Variants in ARGFX observed in about 807,000 individuals in gnomAD.
ARGFX encodes the protein arginine-fifty homeobox.
Under a neutral mutation model 8.0 loss-of-function variants are expected in ARGFX, and 10 were observed. The observed-to-expected ratio is 1.25, with a 90% confidence interval of 0.77 to 2.12. The LOEUF is 2.12. Ranked by LOEUF, ARGFX falls within the 30% of genes most tolerant of loss-of-function variation. The pLI is 0.00. For synonymous variants in ARGFX, 116 were observed against 117.8 expected (o/e 0.98, Z 0.10); for missense variants, 282 against 324.3 (o/e 0.87, Z 1.00).
At position 121,568,502 on chromosome 3, in the gene ARGFX, G is replaced by A. The variant is rs1003176768; in HGVS notation, c.-13+489G>A. ...GAAAGCACTGTAGACCAGTTGAATC[G>A]TTTGCTTCTTTGTTTCTTTAATATG... On this transcript the variant is annotated intron_variant, in intron 1 of 4. Transcript: ENST00000334384. 7.2e-5 allele frequency among the ~76,000 whole-genome samples: 11 copies of A among 152,162 alleles called. No individual in the cohort carries two copies. In the East Asian group the frequency reaches 7.7e-4, roughly 11 times the overall value.
In ARGFX at chr3:121,570,833, T is replaced by C; in HGVS notation, c.103+17T>C. On this transcript the variant is annotated intron_variant, in intron 2 of 4. Transcript: ENST00000334384. ...CTAGTCCCAGTGAGTATCATCCTTC[T>C]TTGTCCTCTTTCCTTTTCTACTGCC... 6.5e-7 allele frequency: 1 copy of C among 1,536,374 alleles called. No homozygotes were observed. Among genetic ancestry groups the C allele is most frequent in the Non-Finnish European group, 8.8e-7 (1 of 1,134,258 alleles).
At chr3:121,582,532 T>C (rs1240484048) in intron 3 of ARGFX, among the ~76,000 whole-genome samples, 1 of 152,214 alleles carries the variant, frequency 6.6e-6, no homozygotes, top group East Asian at 1.9e-4. Flanking sequence ...AATATGTACA[T>C]TTAAAGTGGG....
chr3:121,576,742 T>G, intron 2 of ARGFX, 42 bp from the exon 3 acceptor site: 1 of 380,110 alleles, frequency 2.6e-6, no homozygotes, highest in Non-Finnish European at 5.1e-6. Context: ...TTTCTTTCTT[T>G]CTTTTTCTCT....
chr3:121,577,090 TGTC>T (rs2048742938), intron 3 of ARGFX, among the ~76,000 whole-genome samples, 190 bp downstream of exon 3: 1 of 151,306 alleles, frequency 6.6e-6, no homozygotes, highest in South Asian at 2.1e-4. Context: ...TCTCTGAGGT[TGTC>T]ATTACAATAG....
intron 3 of ARGFX, among the ~76,000 whole-genome samples, chr3:121,579,940 CTTTTCTTTTTTTTTTTT>C (rs1351520761): frequency 1.2e-4 from 5 of 43,258 alleles, no homozygotes; most frequent in African/African-American, 4.4e-4. Flanking sequence ...CTTTTCTTTT[CTTTTCTTTTTTTTTTTT>C]TTTTTTTTTT....
Position 121,589,236 on chromosome 3 carries a change from A to C in ARGFX, c.*2636A>C, listed in dbSNP as rs2048831833. Among the ~76,000 whole-genome samples, 1 of 152,218 alleles carries C rather than the reference A, an allele frequency of 6.6e-6. No homozygotes were observed. On this transcript the variant is annotated 3_prime_UTR_variant, in exon 5 of 5. Transcript: ENST00000334384. ...GAAAACACTTTTAACTGAAAAAAAC[A>C]AAAGCACAACAAACCAAAACATGGG... is the stretch of plus-strand genomic sequence containing the variant.
At chr3:121,580,909 A>G (rs2048775908) in intron 3 of ARGFX, among the ~76,000 whole-genome samples, 1 of 152,114 alleles carries the variant, frequency 6.6e-6, no homozygotes, top group South Asian at 2.1e-4. Context: ...TGTATCATCT[A>G]TATGTTTTTT....
intron 4 of ARGFX, among the ~76,000 whole-genome samples, chr3:121,585,287 A>C (rs2048804325): frequency 6.6e-6 from 1 of 152,218 alleles, no homozygotes; most frequent in African/African-American, 2.4e-5. Flanking sequence ...ACTGGGCCAC[A>C]GAGATAAGAA....
At chr3:121,577,247 ATATATATATATATTT>A (rs1316737940) in intron 3 of ARGFX, among the ~76,000 whole-genome samples, 2 of 52,140 alleles carry the variant, frequency 3.8e-5, no homozygotes, top group Non-Finnish European at 7.4e-5. Flanking sequence ...ATATATATAT[ATATATATATATATTT>A]TTTTTTTTTT....
intron 2 of ARGFX, among the ~76,000 whole-genome samples, chr3:121,574,205 G>T (rs929961750): frequency 6.6e-6 from 1 of 152,126 alleles, no homozygotes; most frequent in Non-Finnish European, 1.5e-5. Flanking sequence ...GGTATGAAAA[G>T]CTCTTTCCAG....
intron 2 of ARGFX, among the ~76,000 whole-genome samples, chr3:121,574,216 A>G (rs1421079135): frequency 6.6e-6 from 1 of 152,172 alleles, no homozygotes; most frequent in Non-Finnish European, 1.5e-5. Context: ...CTCTTTCCAG[A>G]AGCATTCAGG....
At chr3:121,583,928 A>G (rs937605368) in intron 3 of ARGFX, among the ~76,000 whole-genome samples, 9 of 152,238 alleles carry the variant, frequency 5.9e-5, no homozygotes, top group African/African-American at 2.2e-4. Context: ...TAATCCCAAC[A>G]CTTTGGGAGG....
intron 3 of ARGFX, among the ~76,000 whole-genome samples, chr3:121,584,302 A>C (rs79565786): frequency 0.027 from 4,085 of 152,142 alleles, 75 homozygotes; most frequent in Non-Finnish European, 0.044. Context: ...CAAAGCAAAG[A>C]AAAGAGCCTA....
intron 3 of ARGFX, among the ~76,000 whole-genome samples, chr3:121,578,328 T>C (rs112753958): frequency 0.027 from 4,097 of 152,076 alleles, 186 homozygotes; most frequent in African/African-American, 0.093. Flanking sequence ...GGTTTCTCCA[T>C]GTTCGTCAGG....
chr3:121,574,399 A>G (rs2048724859), intron 2 of ARGFX, among the ~76,000 whole-genome samples: 1 of 152,214 alleles, frequency 6.6e-6, no homozygotes, highest in South Asian at 2.1e-4. Flanking sequence ...GCAACTCACC[A>G]TAATGTAGAA....
In ARGFX at chr3:121,588,477, CA is replaced by C. The variant is rs57481564; in HGVS notation, c.*1887del. 1.3e-4 allele frequency among the ~76,000 whole-genome samples: 17 copies of C among 132,078 alleles called. No individual in the cohort carries two copies. The highest frequency in any genetic ancestry group is 2.4e-4 in the South Asian group (1 of 4,238). The allele number at this position is 132,078 out of a possible 152,430, so 86.6% of individuals were successfully genotyped here. Reference sequence around the variant, plus strand: ...TGGACAACAGAGCAAGACTCTGTCTCAAAAAAAAAATAAAAAATAAAAAATA... The same window carrying C: ...TGGACAACAGAGCAAGACTCTGTCTCAAAAAAAAATAAAAAATAAAAAATA... On this transcript the variant is annotated 3_prime_UTR_variant, in exon 5 of 5. Coordinates refer to ENST00000334384, the MANE Select transcript of ARGFX (RefSeq NM_001012659.2).
chr3:121,576,001 A>G (rs1485769344), intron 2 of ARGFX, among the ~76,000 whole-genome samples: 1 of 152,296 alleles, frequency 6.6e-6, no homozygotes, highest in East Asian at 1.9e-4. Context: ...CTCATTGTAC[A>G]TAATCTGTGA....
chr3:121,581,247 G>A (rs2048778539), intron 3 of ARGFX, among the ~76,000 whole-genome samples: 1 of 152,172 alleles, frequency 6.6e-6, no homozygotes, highest in Non-Finnish European at 1.5e-5. Context: ...GAGCCACCAT[G>A]CCTGGCCAAA....
chr3:121,570,931 A>T lies in ARGFX; in HGVS notation c.103+115A>T, dbSNP rs80011604. ...AGCTATTGATTGTTTTAAAAAATCT[A>T]TTCAAAAAGTCTTCCCATCATAAAA... On this transcript the variant is annotated intron_variant, in intron 2 of 4. Transcript: ENST00000334384. 1,906 of 675,848 alleles carry T rather than the reference A, an allele frequency of 2.8e-3. 26 individuals are homozygous for T. The African/African-American group carries it at 0.032, about 11-fold the overall frequency. 41.9% of individuals were successfully genotyped at this position (675,848 alleles called of 1,614,324 possible).
Sources: allele counts gnomAD v4.1 joint callset (sites outside exome capture counted in the v4.1 genomes callset), GRCh38; gene constraint gnomAD v4.1.1; transcripts MANE v1.5; gene names NCBI Gene and HGNC (gene_info 2026-07-23, HGNC 2026-07-21).